Variants in TMEM181 observed in about 807,000 individuals in gnomAD.
TMEM181 encodes the protein G protein-coupled receptor 178.
A neutral mutation model predicts 71.9 loss-of-function variants in TMEM181; 39 were observed. That is an observed-to-expected ratio of 0.54 (90% CI 0.42 to 0.71). The LOEUF (loss-of-function observed/expected upper bound fraction) is 0.71. Among genes scored for constraint, TMEM181 ranks in the 30% least tolerant of loss-of-function variants. The pLI, the probability that TMEM181 is intolerant of heterozygous loss-of-function variation, is 0.00. For synonymous variants in TMEM181, 245 were observed against 228.8 expected (o/e 1.07, Z -0.64); for missense variants, 595 against 583.0 (o/e 1.02, Z -0.21).
At position 158,620,004 on chromosome 6, in the gene TMEM181, A is replaced by G. The variant is rs1263611891; in HGVS notation, c.897-3546A>G. On this transcript the variant is annotated intron_variant, in intron 10 of 16. Coordinates refer to ENST00000684151, the MANE Select transcript of TMEM181 (RefSeq NM_001376852.1). This position sits in a 1 kb window ranked among gnomAD's most constrained non-coding sequence, Gnocchi z 4.5. Reference sequence around the variant, plus strand: ...TGATAAAATTGTCAAGGTCCCTGAGAATCTGAAAGTTAAAGGGTGCTGTTC... The same window carrying G: ...TGATAAAATTGTCAAGGTCCCTGAGGATCTGAAAGTTAAAGGGTGCTGTTC... Among the ~76,000 whole-genome samples, 1 of 152,112 alleles carries G rather than the reference A, an allele frequency of 6.6e-6. No homozygotes were observed. Among genetic ancestry groups the G allele is most frequent in the African/African-American group, 2.4e-5 (1 of 41,402 alleles).
chr6:158,611,438 C>G, intron 10 of TMEM181: 3 of 539,178 alleles, frequency 5.6e-6, no homozygotes, highest in South Asian at 4.2e-5. Flanking sequence ...GAAGTCTATC[C>G]GTCTTCCTTT....
chr6:158,563,414 G>T (rs1003364370), intron 1 of TMEM181, among the ~76,000 whole-genome samples: 2 of 152,194 alleles, frequency 1.3e-5, no homozygotes, highest in Admixed American at 1.3e-4. Flanking sequence ...AAAGTGCTGG[G>T]ACTATAGGTG....
chr6:158,612,426 A>G (rs772880653), intron 10 of TMEM181, among the ~76,000 whole-genome samples: 2 of 152,110 alleles, frequency 1.3e-5, no homozygotes, highest in African/African-American at 2.4e-5. Context: ...CCGTCTGTAG[A>G]TGTTTTGGAT....
At chr6:158,538,225 G>A (rs1325765256) in intron 1 of TMEM181, among the ~76,000 whole-genome samples, 1 of 150,552 alleles carries the variant, frequency 6.6e-6, no homozygotes, top group Non-Finnish European at 1.5e-5. Flanking sequence ...TGCAATCTTG[G>A]CTCACTGCAT....
At chr6:158,542,055 G>A (rs958104470) in intron 1 of TMEM181, among the ~76,000 whole-genome samples, 1 of 151,878 alleles carries the variant, frequency 6.6e-6, no homozygotes, top group Non-Finnish European at 1.5e-5. Flanking sequence ...ACAGGCATGC[G>A]CCACTATGCG....
intron 6 of TMEM181, among the ~76,000 whole-genome samples, chr6:158,594,958 A>G (rs1275092207): frequency 1.3e-5 from 2 of 152,246 alleles, no homozygotes; most frequent in East Asian, 3.8e-4. Context: ...GATTACAGGC[A>G]TGAGCCACCA....
Position 158,625,346 on chromosome 6 carries a change from G to T in TMEM181, c.1057+140G>T, listed in dbSNP as rs992165524. ...CCATTCCCACAGGCTGGGGACCAGGGCACGTGGTCCCTGGGAGCCACAACA... is the reference window on the plus strand; with the variant it reads ...CCATTCCCACAGGCTGGGGACCAGGTCACGTGGTCCCTGGGAGCCACAACA... On this transcript the variant is annotated intron_variant, in intron 12 of 16. Coordinates refer to ENST00000684151, the MANE Select transcript of TMEM181 (RefSeq NM_001376852.1). 20 of 734,184 alleles carry T rather than the reference G, an allele frequency of 2.7e-5. No individual in the cohort carries two copies. In the Admixed American group the frequency reaches 4.8e-4, roughly 18 times the overall value. The allele number at this position is 734,184 out of a possible 1,614,324, so 45.5% of individuals were successfully genotyped here. A position where few individuals can be genotyped will look rare whatever the true frequency, so the allele number is the denominator to read the frequency against.
At chr6:158,589,464 ATATAT>A (rs1381743635) in intron 5 of TMEM181, among the ~76,000 whole-genome samples, 1 of 152,158 alleles carries the variant, frequency 6.6e-6, no homozygotes, top group African/African-American at 2.4e-5. Flanking sequence ...GGTGTAAATC[ATATAT>A]TATGTTTCCA....
intron 4 of TMEM181, among the ~76,000 whole-genome samples, chr6:158,584,888 A>G (rs967302123): frequency 3.3e-5 from 5 of 152,226 alleles, no homozygotes; most frequent in African/African-American, 2.4e-5. Context: ...TGCTATCTTT[A>G]TATTTTATGA....
At chr6:158,562,446 T>C (rs911851925) in intron 1 of TMEM181, among the ~76,000 whole-genome samples, 1 of 141,102 alleles carries the variant, frequency 7.1e-6, no homozygotes, top group South Asian at 2.4e-4. Context: ...AAGGCTGTTT[T>C]TGTGTGTGTG....
intron 6 of TMEM181, among the ~76,000 whole-genome samples, chr6:158,591,506 C>T (rs1784107873): frequency 6.6e-6 from 1 of 151,992 alleles, no homozygotes; most frequent in African/African-American, 2.4e-5. Flanking sequence ...TCTCCTGGAT[C>T]TTAGTCTTCA....
chr6:158,571,310 A>C (rs898470733), intron 1 of TMEM181, among the ~76,000 whole-genome samples: 1 of 151,296 alleles, frequency 6.6e-6, no homozygotes, highest in East Asian at 2.0e-4. Context: ...TGTTAGCAGG[A>C]TGGTCTCGAT....
At chr6:158,609,933 A>T (rs1471925726) in intron 10 of TMEM181, 1 of 230,774 alleles carries the variant, frequency 4.3e-6, no homozygotes, top group African/African-American at 2.3e-5. Flanking sequence ...TCTCAGGTGG[A>T]GGAGTACGTC....
rs747943992 is a variant in TMEM181, at chr6:158,608,671, T to C, written c.817T>C (p.Cys273Arg). ...TTTTTCTTTTTAGGGAGAAAGAAAG[T>C]GTTTAACTTTCTATTTGCCTAAATT... ...HGIRVQGERK[C>R]LTFYLPKFFI... Residue 273 changes from cysteine to arginine, a missense_variant, in exon 10 of 17, where the codon TGT becomes CGT. Physicochemically the swap from Cys to Arg is radical, Grantham distance 180. Coordinates refer to ENST00000684151, the MANE Select transcript of TMEM181 (RefSeq NM_001376852.1). The C allele has an allele frequency of 2.5e-6, 4 of 1,609,884 alleles. No homozygotes were observed. The highest frequency in any genetic ancestry group is 3.4e-6 in the Non-Finnish European group (4 of 1,178,998).
chr6:158,622,180 C>T (rs1168584698), intron 10 of TMEM181, among the ~76,000 whole-genome samples: 2 of 152,126 alleles, frequency 1.3e-5, no homozygotes, highest in African/African-American at 4.8e-5. Context: ...TACATACATA[C>T]CTATGATAAA....
intron 6 of TMEM181, among the ~76,000 whole-genome samples, chr6:158,600,365 G>C (rs143248868): frequency 1.3e-5 from 2 of 151,940 alleles, no homozygotes; most frequent in East Asian, 3.9e-4. Context: ...GGTCAGGCTG[G>C]TCTCGAACTC....
intron 1 of TMEM181, among the ~76,000 whole-genome samples, chr6:158,545,888 C>A (rs1456432298): frequency 6.6e-6 from 1 of 152,084 alleles, no homozygotes; most frequent in Non-Finnish European, 1.5e-5. Flanking sequence ...GTGCCCTCTG[C>A]GCTGTGTTTG....
rs566525658 is a variant in TMEM181, at chr6:158,573,235, G to T, written c.9-185G>T. 3.1e-4 allele frequency among the ~76,000 whole-genome samples: 47 copies of T among 152,298 alleles called. No homozygotes were observed. The South Asian group carries it at 9.5e-3, about 31-fold the overall frequency. ...GAACGTGCAGGAACGCGCAGCTCCT[G>T]AATTGGCTGCTGAGGCTGTTTTGTC... is the stretch of plus-strand genomic sequence containing the variant. On this transcript the variant is annotated intron_variant, in intron 1 of 16. Coordinates refer to ENST00000684151, the MANE Select transcript of TMEM181 (RefSeq NM_001376852.1).
intron 1 of TMEM181, among the ~76,000 whole-genome samples, chr6:158,545,400 G>A (rs1221010548): frequency 6.6e-6 from 1 of 152,240 alleles, no homozygotes; most frequent in Non-Finnish European, 1.5e-5. Context: ...GACGGATCTC[G>A]CTGGAGCAGC....
Sources: gnomAD v4.1 joint callset for allele counts (sites outside exome capture counted in the v4.1 genomes callset) on GRCh38, gnomAD v4.1.1 for gene constraint, Gnocchi (gnomAD v3.1) non-coding constraint, MANE v1.5 for transcripts, NCBI Gene and HGNC (gene_info 2026-07-23, HGNC 2026-07-21) for gene names.